DIP2A: variants seen among roughly 807,000 people sequenced by gnomAD.
DIP2A encodes the protein disco-interacting protein 2 homolog A.
Under a neutral mutation model 177.4 loss-of-function variants are expected in DIP2A, and 85 were observed. That is an observed-to-expected ratio of 0.48 (90% CI 0.40 to 0.57). The LOEUF (loss-of-function observed/expected upper bound fraction) is 0.57, where lower values mean the gene tolerates loss of function less well. DIP2A is among the 20% of genes least tolerant of loss of function. The pLI, the probability that DIP2A is intolerant of heterozygous loss-of-function variation, is 0.00. For missense variants in DIP2A, 1,791 were observed against 2,100.2 expected (o/e 0.85, Z 2.88); for synonymous variants, 886 against 881.8 (o/e 1.00, Z -0.08).
intron 6 of DIP2A, among the ~76,000 whole-genome samples, chr21:46,508,353 CTTT>C (rs571637777): frequency 2.2e-5 from 2 of 90,506 alleles, no homozygotes; most frequent in African/African-American, 4.4e-5. Flanking sequence ...TGGCCAATGA[CTTT>C]TTTTTTTTTT....
At chr21:46,565,913 G>A (rs1199122138) in intron 36 of DIP2A, 26 bp downstream of exon 36, 17 of 1,612,450 alleles carry the variant, frequency 1.1e-5, no homozygotes, top group African/African-American at 2.7e-5. Context: ...GAAGCCCTGC[G>A]TGAGTGCTGT....
rs535553154 is a variant in DIP2A at position 46,539,700 on chromosome 21, C to T, written c.1922-177C>T. ...GCTGTCTGATTTCCTTTAAAGATAC[C>T]ATCTTCCTTGAAGAACATGAAGTCT... On this transcript the variant is annotated intron_variant, in intron 16 of 37. Transcript: ENST00000417564. The T allele has an allele frequency of 1.1e-4, 73 of 644,224 alleles. No individual in the cohort carries two copies. In the African/African-American group the frequency reaches 1.2e-3, roughly 11 times the overall value. 39.9% of individuals were successfully genotyped at this position (644,224 alleles called of 1,614,324 possible).
intron 3 of DIP2A, among the ~76,000 whole-genome samples, chr21:46,492,276 CT>C (rs1223035740): frequency 6.6e-6 from 1 of 152,282 alleles, no homozygotes; most frequent in East Asian, 1.9e-4. Context: ...TCCCTTTGCA[CT>C]TTTTTCTAAA....
chr21:46,479,130 C>G (rs2056150290), intron 1 of DIP2A, among the ~76,000 whole-genome samples: 1 of 152,216 alleles, frequency 6.6e-6, no homozygotes, highest in Non-Finnish European at 1.5e-5. Context: ...GGGATGCTTT[C>G]CAGGGCACCT....
intron 32 of DIP2A, chr21:46,558,711 T>C (rs2060561073): frequency 1.2e-5 from 4 of 340,714 alleles, no homozygotes; most frequent in East Asian, 7.7e-5. Context: ...TTTTAAGATA[T>C]CTAGCAATAT....
chr21:46,550,872 C>G lies in DIP2A; in HGVS notation c.2839+128C>G, dbSNP rs7278586. ...ACGTCTTTGGGGCTGGGGTCAAGAG[C>G]CAGAGCGAGTGTGCACCCCAGAATG... On this transcript the variant is annotated intron_variant, in intron 23 of 37. Coordinates refer to ENST00000417564, the MANE Select transcript of DIP2A (RefSeq NM_015151.4). The G allele has an allele frequency of 9.9e-4, 983 of 989,008 alleles. 15 individuals are homozygous for G. In the African/African-American group the frequency reaches 0.014, roughly 14 times the overall value. The allele number at this position is 989,008 out of a possible 1,614,324, so 61.3% of individuals were successfully genotyped here. A position where few individuals can be genotyped will look rare whatever the true frequency, so the allele number is the denominator to read the frequency against.
Position 46,556,395 on chromosome 21 carries a change from T to C in DIP2A, c.3498+304T>C. On this transcript the variant is annotated intron_variant, in intron 29 of 37. Transcript: ENST00000417564. This position sits in a 1 kb window ranked among gnomAD's most constrained non-coding sequence, Gnocchi z 4.5. ...CTGGGAGTCAATAGCTCAATTAAAA[T>C]TTTTCAGGCGGGGCGTGGTGGCTCA... The C allele has an allele frequency of 7.4e-7, 1 of 1,359,670 alleles. No individual in the cohort carries two copies. The highest frequency in any genetic ancestry group is 9.8e-7 in the Non-Finnish European group (1 of 1,025,232). 84.2% of individuals were successfully genotyped at this position (1,359,670 alleles called of 1,614,324 possible).
Position 46,534,219 on chromosome 21 carries a change from C to G in DIP2A, c.1539+106C>G, listed in dbSNP as rs868729489. The G allele has an allele frequency of 3.0e-5, 27 of 896,434 alleles. No individual in the cohort carries two copies. The South Asian group carries it at 4.0e-4, about 13-fold the overall frequency. The allele number at this position is 896,434 out of a possible 1,614,324, so 55.5% of individuals were successfully genotyped here. ...CTATTCTTTTTTGTTAAGTTTCGGC[C>G]TAAGAGTTCTTGTTTTATCTCTGCC... On this transcript the variant is annotated intron_variant, in intron 12 of 37. Transcript: ENST00000417564.
At chr21:46,499,697 A>G (rs1279079823) in intron 5 of DIP2A, among the ~76,000 whole-genome samples, 6 of 152,218 alleles carry the variant, frequency 3.9e-5, no homozygotes, top group East Asian at 3.8e-4. Flanking sequence ...AAACAGCAGC[A>G]TAGTTAGCTG....
At chr21:46,519,855 ATTTTTTTTTTTTTTTTT>A (rs59574579) in intron 8 of DIP2A, among the ~76,000 whole-genome samples, 31 of 53,018 alleles carry the variant, frequency 5.8e-4, no homozygotes, top group South Asian at 1.6e-3. Flanking sequence ...ATTGATCTAG[ATTTTTTTTTTTTTTTTT>A]TTTTTTTTTT....
Position 46,568,236 on chromosome 21 carries a change from G to T in DIP2A, c.*614G>T. 6.6e-6 allele frequency: 1 copy of T among 152,442 alleles called. No homozygotes were observed. The highest frequency in any genetic ancestry group is 1.9e-4 in the East Asian group (1 of 5,174). 9.4% of individuals were successfully genotyped at this position (152,442 alleles called of 1,614,324 possible). ...CCAGTTCCTTTATTGAAAGAGGTGT[G>T]CTGGCTGGCCACGGTGGCTTACACC... On this transcript the variant is annotated 3_prime_UTR_variant, in exon 38 of 38. Coordinates refer to ENST00000417564, the MANE Select transcript of DIP2A (RefSeq NM_015151.4).
chr21:46,504,404 G>A lies in DIP2A; in HGVS notation c.699G>A (p.Glu233=). The A allele has an allele frequency of 6.2e-7, 1 of 1,613,942 alleles. No individual in the cohort carries two copies. Among genetic ancestry groups the A allele is most frequent in the African/African-American group, 1.3e-5 (1 of 75,074 alleles). The change falls in exon 6 of 38, where the codon GAG becomes GAA. Residue 233 remains glutamate, a synonymous_variant. Transcript: ENST00000417564. Reference sequence around the variant, plus strand: ...CTGATGTCACCACGGGCCTCGTGGAGCATTCGTACTTTGAGCGTCCACAGG... The same window carrying A: ...CTGATGTCACCACGGGCCTCGTGGAACATTCGTACTTTGAGCGTCCACAGG... ...APPDVTTGLV[E]HSYFERPQVA...
intron 1 of DIP2A, among the ~76,000 whole-genome samples, chr21:46,461,088 C>T (rs1394083698): frequency 1.3e-5 from 2 of 151,312 alleles, no homozygotes; most frequent in East Asian, 2.0e-4. Flanking sequence ...GGCTTGGAGA[C>T]GGGAGTTCAG....
In DIP2A at chr21:46,498,819, C is replaced by T. The variant is rs1258352599; in HGVS notation, c.641C>T (p.Ala214Val). 2.5e-6 allele frequency: 4 copies of T among 1,613,096 alleles called. No homozygotes were observed. Among genetic ancestry groups the T allele is most frequent in the Non-Finnish European group, 3.4e-6 (4 of 1,179,538 alleles). The change falls in exon 5 of 38, where the codon GCC becomes GTC. Residue 214 changes from alanine to valine, a missense_variant. Coordinates refer to ENST00000417564, the MANE Select transcript of DIP2A (RefSeq NM_015151.4). The surrounding 1 kb of genome is among the most constrained non-coding windows in gnomAD (Gnocchi z 4.3). ...ACCACTGCACTCGCAGGCCTCGAGGCCCACACCCACATAGGTCAGTAATAA... is the reference window on the plus strand; with the variant it reads ...ACCACTGCACTCGCAGGCCTCGAGGTCCACACCCACATAGGTCAGTAATAA... ...AATTALAGLE[A>V]HTHIDLHSAP...
chr21:46,509,104 G>C (rs1368551610), intron 6 of DIP2A, among the ~76,000 whole-genome samples, 153 bp from the exon 7 acceptor site: 2 of 152,216 alleles, frequency 1.3e-5, no homozygotes, highest in African/African-American at 4.8e-5. Flanking sequence ...TTTTCTAAAT[G>C]AATTGATTCC....
chr21:46,524,858 ATTTTTGC>A (rs1569034673), intron 8 of DIP2A, among the ~76,000 whole-genome samples: 1 of 56,954 alleles, frequency 1.8e-5, no homozygotes, highest in African/African-American at 7.6e-5. Context: ...TTCTTTTATG[ATTTTTGC>A]TTTTTGCTTT....
intron 8 of DIP2A, among the ~76,000 whole-genome samples, chr21:46,527,331 T>TTTG (rs2059140774): frequency 1.4e-5 from 2 of 144,860 alleles, no homozygotes; most frequent in Non-Finnish European, 3.0e-5. Context: ...TGAGGTTTTT[T>TTTG]TTTTTTTTTT....
At chr21:46,459,302 G>A (rs1601258185) in intron 1 of DIP2A, 80 bp downstream of exon 1, 1 of 1,144,008 alleles carries the variant, frequency 8.7e-7, no homozygotes, top group Non-Finnish European at 1.1e-6. Flanking sequence ...CGGGACCCCC[G>A]CGCGGCCCCT....
intron 8 of DIP2A, among the ~76,000 whole-genome samples, chr21:46,520,274 AAAAAC>A (rs1215164582): frequency 6.6e-6 from 1 of 152,180 alleles, no homozygotes; most frequent in South Asian, 2.1e-4. Flanking sequence ...CTTGGCTCTG[AAAAAC>A]AAAACAAAGA....
Sources: allele counts gnomAD v4.1 joint callset (sites outside exome capture counted in the v4.1 genomes callset), GRCh38; gene constraint gnomAD v4.1.1; non-coding constraint Gnocchi (gnomAD v3.1); transcripts MANE v1.5; gene names NCBI Gene and HGNC (gene_info 2026-07-23, HGNC 2026-07-21).